The following ATXN7L1 variants were observed in gnomAD, a reference collection of about 807,000 sequenced individuals.
ATXN7L1 encodes ataxin 7 like 1.
Under a neutral mutation model 70.8 loss-of-function variants are expected in ATXN7L1, and 15 were observed. The ratio of observed to expected loss-of-function variants is 0.21; its 90% confidence interval spans 0.14 to 0.33. ATXN7L1 has a LOEUF of 0.33. Among genes scored for constraint, ATXN7L1 ranks in the 10% least tolerant of loss-of-function variants. The probability of loss-of-function intolerance (pLI) is 1.00; values close to 1 mark genes in which losing one functional copy is unlikely to be tolerated. For synonymous variants in ATXN7L1, 440 were observed against 445.1 expected (o/e 0.99, Z 0.14); for missense variants, 975 against 1,097.1 (o/e 0.89, Z 1.57).
At chr7:105,704,811 A>C (rs1010922079) in intron 3 of ATXN7L1, among the ~76,000 whole-genome samples, 4 of 151,654 alleles carry the variant, frequency 2.6e-5, no homozygotes, top group Non-Finnish European at 4.4e-5. Flanking sequence ...GCGTTTCACT[A>C]TGTTGGCCAG....
At chr7:105,800,445 TC>T (rs1475482928) in intron 2 of ATXN7L1, among the ~76,000 whole-genome samples, 2 of 152,238 alleles carry the variant, frequency 1.3e-5, no homozygotes, top group Non-Finnish European at 2.9e-5. Flanking sequence ...ATTTGCACGC[TC>T]CTCTGCATCT....
chr7:105,863,103 T>C (rs1816880488), intron 2 of ATXN7L1, among the ~76,000 whole-genome samples: 1 of 152,090 alleles, frequency 6.6e-6, no homozygotes, highest in Admixed American at 6.5e-5. Context: ...CCCAATGCCA[T>C]GAGGGAAACT....
At chr7:105,853,371 G>C (rs1438188246) in intron 2 of ATXN7L1, among the ~76,000 whole-genome samples, 1 of 152,124 alleles carries the variant, frequency 6.6e-6, no homozygotes, top group Non-Finnish European at 1.5e-5. Context: ...TGGCCAACAT[G>C]GTGAAACCCC....
At position 105,670,602 on chromosome 7, in the gene ATXN7L1, T is replaced by A. The variant is rs542940778; in HGVS notation, c.356-5314A>T. ...TTTTAAACTGTTAGGTAATATTCAA[T>A]CATTAACATGGCGCAGATTATTTAG... On this transcript the variant is annotated intron_variant, in intron 3 of 11. Coordinates refer to ENST00000419735, the MANE Select transcript of ATXN7L1 (RefSeq NM_020725.2). Among the ~76,000 whole-genome samples, 14 of 152,126 alleles carry A rather than the reference T, an allele frequency of 9.2e-5. 1 individual carries two copies. The South Asian group carries it at 2.9e-3, about 32-fold the overall frequency.
intron 3 of ATXN7L1, among the ~76,000 whole-genome samples, chr7:105,677,685 A>T (rs559921585): frequency 3.2e-4 from 48 of 152,298 alleles, no homozygotes; most frequent in African/African-American, 1.1e-3. Flanking sequence ...TGTCCATTAA[A>T]AACACACACA....
rs976442915 is a variant in ATXN7L1, at chr7:105,635,270, C to T, written c.1202+3083G>A. On this transcript the variant is annotated intron_variant, in intron 7 of 11. Coordinates refer to ENST00000419735, the MANE Select transcript of ATXN7L1 (RefSeq NM_020725.2). The stretch of plus-strand genomic sequence containing the variant: ...GGGCTAGTCATCCACAACCCTCGGG[C>T]TTTTTGGAGCAAGCAATGTGTTCCT... Among the ~76,000 whole-genome samples, 5 of 152,202 alleles carry T rather than the reference C, an allele frequency of 3.3e-5. No homozygotes were observed. In the East Asian group the frequency reaches 9.6e-4, roughly 29 times the overall value.
intron 9 of ATXN7L1, among the ~76,000 whole-genome samples, chr7:105,617,412 T>G (rs983548134): frequency 6.6e-6 from 1 of 152,156 alleles, no homozygotes; most frequent in Non-Finnish European, 1.5e-5. Context: ...ACTAGCAGAG[T>G]TGAAGCCCTA....
chr7:105,718,731 G>A (rs1198210971), intron 3 of ATXN7L1, among the ~76,000 whole-genome samples: 2 of 152,238 alleles, frequency 1.3e-5, no homozygotes, highest in Non-Finnish European at 2.9e-5. Context: ...CACAGGTCAG[G>A]TATTCAGGTC....
At chr7:105,639,802 C>T (rs1327406743) in intron 5 of ATXN7L1, among the ~76,000 whole-genome samples, 3 of 152,176 alleles carry the variant, frequency 2.0e-5, no homozygotes, top group Non-Finnish European at 4.4e-5. Flanking sequence ...AGTCTAGCTT[C>T]GGCAGCACCG....
At chr7:105,643,167 A>G in intron 4 of ATXN7L1, 46 bp from the exon 5 acceptor site, 2 of 1,465,050 alleles carry the variant, frequency 1.4e-6, no homozygotes, top group Admixed American at 2.6e-5. Context: ...TCTTTGATAC[A>G]TCTAGTCTGC....
intron 3 of ATXN7L1, among the ~76,000 whole-genome samples, chr7:105,733,637 T>TCCATCCATCCATCCATCCATCCATCCAC (rs1796939703): frequency 2.4e-5 from 2 of 83,454 alleles, no homozygotes; most frequent in African/African-American, 1.1e-4. Context: ...CATCCACCCA[T>TCCATCCATCCATCCATCCATCCATCCAC]CCATCCATCC....
chr7:105,655,961 T>A (rs1033520090), intron 4 of ATXN7L1, among the ~76,000 whole-genome samples: 4 of 152,250 alleles, frequency 2.6e-5, no homozygotes, highest in African/African-American at 9.6e-5. Context: ...AGCGGGCTCA[T>A]CTTCTGCATT....
chr7:105,869,496 T>C (rs1310739126), intron 2 of ATXN7L1, among the ~76,000 whole-genome samples: 1 of 152,164 alleles, frequency 6.6e-6, no homozygotes, highest in Non-Finnish European at 1.5e-5. Flanking sequence ...CCAGGTCAGT[T>C]GCCACCTTCT....
At chr7:105,630,719 A>AAAAT (rs144429337) in intron 7 of ATXN7L1, among the ~76,000 whole-genome samples, 109 of 148,616 alleles carry the variant, frequency 7.3e-4, no homozygotes, top group South Asian at 5.0e-3. Context: ...CCTGTCTCAA[A>AAAAT]AAATAAATAA....
Position 105,753,050 on chromosome 7 carries a change from A to T in ATXN7L1, c.355+35554T>A, listed in dbSNP as rs1584923090. ...TAATTAAATGATTGTAACACAGCCA[A>T]GTGGTCAGTGAACACTTAACCACTG... On this transcript the variant is annotated intron_variant, in intron 3 of 11. Transcript: ENST00000419735. 2.0e-5 allele frequency among the ~76,000 whole-genome samples: 3 copies of T among 152,384 alleles called. No homozygotes were observed. The South Asian group carries it at 6.2e-4, about 32-fold the overall frequency.
chr7:105,637,468 T>C (rs1797556679), intron 7 of ATXN7L1, among the ~76,000 whole-genome samples: 1 of 152,226 alleles, frequency 6.6e-6, no homozygotes, highest in Admixed American at 6.5e-5. Flanking sequence ...AAATTATGGA[T>C]ACTTGTACCT....
At chr7:105,730,583 T>C (rs1796419705) in intron 3 of ATXN7L1, among the ~76,000 whole-genome samples, 2 of 151,778 alleles carry the variant, frequency 1.3e-5, no homozygotes, top group Admixed American at 6.6e-5. Context: ...GTACAAAAAA[T>C]TAGCTGGGCG....
chr7:105,690,337 G>A (rs1166200190), intron 3 of ATXN7L1, among the ~76,000 whole-genome samples: 2 of 152,184 alleles, frequency 1.3e-5, no homozygotes, highest in Non-Finnish European at 2.9e-5. Flanking sequence ...AGAGAAACAT[G>A]GAGGAGAAAA....
At chr7:105,623,190 G>T (rs906078519) in intron 8 of ATXN7L1, among the ~76,000 whole-genome samples, 5 of 152,200 alleles carry the variant, frequency 3.3e-5, no homozygotes, top group African/African-American at 1.2e-4. Context: ...GACATGGATA[G>T]GAGGGAAGAG....
Sources: allele counts gnomAD v4.1 joint callset (sites outside exome capture counted in the v4.1 genomes callset), GRCh38; gene constraint gnomAD v4.1.1; transcripts MANE v1.5; gene names NCBI Gene and HGNC (gene_info 2026-07-23, HGNC 2026-07-21).